Variants in NKAIN3 observed in about 807,000 individuals in gnomAD.
NKAIN3 encodes the protein sodium/potassium transporting ATPase interacting 3, also known as sodium/potassium-transporting ATPase subunit beta-1-interacting protein 3.
In NKAIN3, 25 loss-of-function variants were observed where a neutral mutation model predicts 30.2. That is an observed-to-expected ratio of 0.83 (90% CI 0.60 to 1.16). The LOEUF is 1.16. Ranked by LOEUF, NKAIN3 falls within the 50% of genes most tolerant of loss-of-function variation. NKAIN3 has a pLI of 0.00. For missense variants in NKAIN3, 225 were observed against 254.1 expected (o/e 0.89, Z 0.78); for synonymous variants, 91 against 89.6 (o/e 1.02, Z -0.09).
Position 62,495,549 on chromosome 8 carries a change from G to GTATA in NKAIN3, c.55-83978_55-83975dup, listed in dbSNP as rs35102614. Among the ~76,000 whole-genome samples, 923 of 146,796 alleles carry GTATA rather than the reference G, an allele frequency of 6.3e-3. 24 individuals are homozygous for GTATA. In the East Asian group the frequency reaches 0.097, roughly 15 times the overall value. On this transcript the variant is annotated intron_variant, in intron 1 of 6. Transcript: ENST00000623646. ...CTCTTGGGGAACAATGAGACAGAGAGTATATATATATATATTATATAAATA... is the reference window on the plus strand; with the variant it reads ...CTCTTGGGGAACAATGAGACAGAGAGTATATATATATATATATATTATATAAATA...
intron 1 of NKAIN3, among the ~76,000 whole-genome samples, chr8:62,300,743 A>T (rs1018256121): frequency 1.3e-5 from 2 of 152,166 alleles, no homozygotes; most frequent in African/African-American, 4.8e-5. Context: ...GAGAAGTCAC[A>T]GTCAGCTGCA....
chr8:62,282,162 A>G (rs1262745322), intron 1 of NKAIN3, among the ~76,000 whole-genome samples: 4 of 152,064 alleles, frequency 2.6e-5, no homozygotes, highest in Non-Finnish European at 5.9e-5. Flanking sequence ...TGGTCTTCAG[A>G]CTACCCATAT....
Position 62,757,020 on chromosome 8 carries a change from G to T in NKAIN3, c.471+9891G>T, listed in dbSNP as rs552815373. Among the ~76,000 whole-genome samples the T allele has an allele frequency of 2.0e-5, 3 of 152,102 alleles. No individual in the cohort carries two copies. In the South Asian group the frequency reaches 6.2e-4, roughly 32 times the overall value. Reference sequence around the variant, plus strand: ...ATGACATTTGGTAAACTTAAATATTGTTTCATCAGAGAAATGAAAAACTTA... The same window carrying T: ...ATGACATTTGGTAAACTTAAATATTTTTTCATCAGAGAAATGAAAAACTTA... On this transcript the variant is annotated intron_variant, in intron 4 of 6. Coordinates refer to ENST00000623646, the MANE Select transcript of NKAIN3 (RefSeq NM_001304533.3).
intron 4 of NKAIN3, among the ~76,000 whole-genome samples, chr8:62,847,411 T>A (rs1819722981): frequency 6.6e-6 from 1 of 152,174 alleles, no homozygotes; most frequent in African/African-American, 2.4e-5. Context: ...ATTGCGGTTT[T>A]GATTTGCATT....
intron 1 of NKAIN3, among the ~76,000 whole-genome samples, chr8:62,528,945 G>GTA (rs1381233164): frequency 6.6e-6 from 1 of 152,084 alleles, no homozygotes; most frequent in Non-Finnish European, 1.5e-5. Flanking sequence ...GAAAAATGAG[G>GTA]TATATAGAAG....
chr8:62,645,015 T>C (rs1304100990), intron 3 of NKAIN3, among the ~76,000 whole-genome samples: 2 of 152,164 alleles, frequency 1.3e-5, no homozygotes, highest in Non-Finnish European at 2.9e-5. Flanking sequence ...CAAATATTAC[T>C]TGTTGGAAAG....
intron 1 of NKAIN3, among the ~76,000 whole-genome samples, chr8:62,438,970 G>A (rs1805246837): frequency 6.6e-6 from 1 of 152,150 alleles, no homozygotes; most frequent in African/African-American, 2.4e-5. Context: ...TTGGGAAACT[G>A]GAAGAGGCCA....
chr8:62,550,667 G>A (rs935043142), intron 1 of NKAIN3, among the ~76,000 whole-genome samples: 2 of 152,160 alleles, frequency 1.3e-5, no homozygotes, highest in African/African-American at 4.8e-5. Flanking sequence ...GGATTTGCAT[G>A]CAAATAAAAA....
intron 3 of NKAIN3, among the ~76,000 whole-genome samples, chr8:62,610,520 T>C (rs1225843074): frequency 6.6e-6 from 1 of 152,128 alleles, no homozygotes; most frequent in East Asian, 1.9e-4. Flanking sequence ...ATTCTGTCTC[T>C]GACACATGTG....
chr8:62,364,414 C>A (rs1024364824), intron 1 of NKAIN3, among the ~76,000 whole-genome samples: 1 of 152,090 alleles, frequency 6.6e-6, no homozygotes, highest in African/African-American at 2.4e-5. Flanking sequence ...GTAGCAAAAC[C>A]AGTGGTCTTT....
chr8:62,614,602 C>A (rs1398832467), intron 3 of NKAIN3, among the ~76,000 whole-genome samples: 1 of 152,136 alleles, frequency 6.6e-6, no homozygotes, highest in Non-Finnish European at 1.5e-5. Flanking sequence ...ACAAGCTCCC[C>A]CAGGCCCTGG....
intron 3 of NKAIN3, among the ~76,000 whole-genome samples, chr8:62,699,243 A>G (rs1243990786): frequency 1.3e-5 from 2 of 152,228 alleles, no homozygotes. Flanking sequence ...TGTTCAAAAA[A>G]GGTCAAACAA....
intron 3 of NKAIN3, among the ~76,000 whole-genome samples, chr8:62,616,907 A>G (rs937218408): frequency 2.0e-5 from 3 of 152,186 alleles, no homozygotes; most frequent in Admixed American, 6.5e-5. Context: ...GTTGGGGCCT[A>G]CTGGGAGGTG....
chr8:62,889,232 T>C (rs1159829726), intron 4 of NKAIN3, among the ~76,000 whole-genome samples: 1 of 151,878 alleles, frequency 6.6e-6, no homozygotes, highest in African/African-American at 2.4e-5. Context: ...TAGCTGGGCA[T>C]GGTGGCAGGT....
At chr8:62,555,092 G>A (rs1445577194) in intron 1 of NKAIN3, among the ~76,000 whole-genome samples, 1 of 150,580 alleles carries the variant, frequency 6.6e-6, no homozygotes, top group Non-Finnish European at 1.5e-5. Context: ...ATGTCATTTT[G>A]CTTGACTGTA....
At chr8:62,988,840 T>C (rs957861836), downstream of NKAIN3, among the ~76,000 whole-genome samples, 14 of 152,258 alleles carry the variant, frequency 9.2e-5, no homozygotes, top group African/African-American at 3.4e-4. Flanking sequence ...AATGGGGTTT[T>C]CTTTTCTATC....
At chr8:62,881,324 T>C (rs929057123) in intron 4 of NKAIN3, among the ~76,000 whole-genome samples, 2 of 152,228 alleles carry the variant, frequency 1.3e-5, no homozygotes, top group African/African-American at 2.4e-5. Flanking sequence ...CAATCACTGA[T>C]TCTTTTACTA....
intron 1 of NKAIN3, among the ~76,000 whole-genome samples, chr8:62,307,125 A>G (rs1053498686): frequency 6.7e-6 from 1 of 149,982 alleles, no homozygotes; most frequent in African/African-American, 2.5e-5. Flanking sequence ...CCTGCACCCC[A>G]TGAGTCCTTG....
intron 1 of NKAIN3, among the ~76,000 whole-genome samples, chr8:62,357,848 G>A (rs1319378261): frequency 6.6e-6 from 1 of 152,046 alleles, no homozygotes; most frequent in Non-Finnish European, 1.5e-5. Context: ...ATTGTAGTAA[G>A]TTGTAATATT....
Sources: allele counts gnomAD v4.1 joint callset (sites outside exome capture counted in the v4.1 genomes callset), GRCh38; gene constraint gnomAD v4.1.1; transcripts MANE v1.5; gene names NCBI Gene and HGNC (gene_info 2026-07-23, HGNC 2026-07-21).